Variants in ZNF804B observed in about 807,000 individuals in gnomAD.
ZNF804B encodes zinc finger protein 804B.
ZNF804B carries 80 observed loss-of-function variants against 101.4 expected under a neutral mutation model. The ratio of observed to expected loss-of-function variants is 0.79; its 90% confidence interval spans 0.66 to 0.95. The LOEUF (loss-of-function observed/expected upper bound fraction) is 0.95, where lower values mean the gene tolerates loss of function less well. Among genes scored for constraint, ZNF804B ranks in the 40% least tolerant of loss-of-function variants. The pLI is 0.00. For synonymous variants in ZNF804B, 622 were observed against 558.8 expected, an observed-to-expected ratio of 1.11 and a Z score of -1.59; for missense variants, 1,673 against 1,561.9, an observed-to-expected ratio of 1.07 and a Z score of -1.20.
intron 1 of ZNF804B, among the ~76,000 whole-genome samples, chr7:88,972,670 C>T (rs1562847904): frequency 1.3e-5 from 2 of 151,204 alleles, no homozygotes; most frequent in Admixed American, 6.6e-5. Flanking sequence ...AAATTTTTAT[C>T]ATCTTTGAAA....
At chr7:88,967,294 C>A (rs958428323) in intron 1 of ZNF804B, among the ~76,000 whole-genome samples, 1 of 151,450 alleles carries the variant, frequency 6.6e-6, no homozygotes, top group Admixed American at 6.6e-5. Context: ...AGAACATCTT[C>A]ACATGCTGGC....
chr7:88,873,911 C>T (rs1233076522), intron 1 of ZNF804B, among the ~76,000 whole-genome samples: 3 of 152,110 alleles, frequency 2.0e-5, no homozygotes, highest in East Asian at 1.9e-4. Flanking sequence ...CATGATGCCT[C>T]CAGCTTTGTC....
chr7:88,841,316 G>A (rs1366602297), intron 1 of ZNF804B, among the ~76,000 whole-genome samples: 1 of 152,138 alleles, frequency 6.6e-6, no homozygotes, highest in African/African-American at 2.4e-5. Context: ...CTTAGGGTGA[G>A]GACTTTTGGT....
rs185080554 is a variant in ZNF804B at position 89,210,813 on chromosome 7, G to A, written c.109-7342G>A. Among the ~76,000 whole-genome samples, 35 of 152,256 alleles carry A rather than the reference G, an allele frequency of 2.3e-4. No homozygotes were observed. In the East Asian group the frequency reaches 4.1e-3, roughly 18 times the overall value. ...TAGTGCTGCAATGAACATGGTATGCGTGTATTTCTGTAATAGAATGACTTA... is the reference window on the plus strand; with the variant it reads ...TAGTGCTGCAATGAACATGGTATGCATGTATTTCTGTAATAGAATGACTTA... On this transcript the variant is annotated intron_variant, in intron 1 of 3. Coordinates refer to ENST00000333190, the MANE Select transcript of ZNF804B (RefSeq NM_181646.5).
At chr7:88,827,104 T>A (rs1462200986) in intron 1 of ZNF804B, among the ~76,000 whole-genome samples, 1 of 152,084 alleles carries the variant, frequency 6.6e-6, no homozygotes, top group Non-Finnish European at 1.5e-5. Context: ...ATGGGCACTG[T>A]ATTCAAATAA....
intron 1 of ZNF804B, among the ~76,000 whole-genome samples, chr7:88,780,656 G>C (rs1340445705): frequency 6.6e-6 from 1 of 151,950 alleles, no homozygotes; most frequent in Non-Finnish European, 1.5e-5. Flanking sequence ...CAAAATGCTA[G>C]GATTACAGGC....
intron 1 of ZNF804B, chr7:88,795,026 G>T: frequency 8.8e-7 from 1 of 1,140,822 alleles, no homozygotes; most frequent in Non-Finnish European, 1.2e-6. Flanking sequence ...CTTTACTGAT[G>T]AACTCGTGTT....
chr7:88,877,008 ATATATATATATATAT>A (rs1465287086), intron 1 of ZNF804B, among the ~76,000 whole-genome samples: 2 of 71,238 alleles, frequency 2.8e-5, no homozygotes, highest in African/African-American at 2.2e-4. Context: ...GAAAAAAAAA[ATATATATATATATAT>A]ATAATATATA....
chr7:89,153,184 G>T (rs993031166), intron 1 of ZNF804B, among the ~76,000 whole-genome samples: 2 of 151,806 alleles, frequency 1.3e-5, no homozygotes, highest in Non-Finnish European at 1.5e-5. Context: ...GCAGAATGAG[G>T]CAATGAGGAG....
intron 1 of ZNF804B, among the ~76,000 whole-genome samples, chr7:88,854,287 A>G (rs1186620814): frequency 6.6e-6 from 1 of 152,114 alleles, no homozygotes; most frequent in South Asian, 2.1e-4. Flanking sequence ...TCGTTTGGCT[A>G]ATTTCACACA....
chr7:89,105,764 G>C (rs1043164738), intron 1 of ZNF804B, among the ~76,000 whole-genome samples: 1 of 152,088 alleles, frequency 6.6e-6, no homozygotes, highest in African/African-American at 2.4e-5. Flanking sequence ...AGGTCCCCAA[G>C]GATACCTCTG....
At chr7:89,257,713 C>T (rs1789655664) in intron 2 of ZNF804B, among the ~76,000 whole-genome samples, 1 of 152,104 alleles carries the variant, frequency 6.6e-6, no homozygotes, top group African/African-American at 2.4e-5. Context: ...TTTCACTACT[C>T]AGGTAATGAG....
intron 1 of ZNF804B, among the ~76,000 whole-genome samples, chr7:89,165,256 A>C (rs1791124544): frequency 6.6e-6 from 1 of 152,104 alleles, no homozygotes; most frequent in Non-Finnish European, 1.5e-5. Flanking sequence ...CCACTCAGCT[A>C]TCTCTGAATT....
chr7:89,205,131 C>A (rs191584652), intron 1 of ZNF804B, among the ~76,000 whole-genome samples: 68 of 152,232 alleles, frequency 4.5e-4, no homozygotes, highest in Admixed American at 3.7e-3. Flanking sequence ...AATTTATATT[C>A]ACTATCACGA....
intron 1 of ZNF804B, among the ~76,000 whole-genome samples, chr7:88,905,275 A>G (rs1342199350): frequency 6.6e-6 from 1 of 152,140 alleles, no homozygotes; most frequent in Non-Finnish European, 1.5e-5. Context: ...TGTAGAACCA[A>G]CCTTGCATCC....
At chr7:89,285,117 G>A (rs190121133) in intron 2 of ZNF804B, among the ~76,000 whole-genome samples, 2 of 152,206 alleles carry the variant, frequency 1.3e-5, no homozygotes, top group Non-Finnish European at 2.9e-5. Context: ...TATTTGGAAG[G>A]CTGAGGCAGG....
At chr7:89,133,359 A>C (rs907071023) in intron 1 of ZNF804B, among the ~76,000 whole-genome samples, 2 of 152,014 alleles carry the variant, frequency 1.3e-5, no homozygotes, top group African/African-American at 4.8e-5. Context: ...TGTAGAGCCC[A>C]CCTGACTAAG....
At chr7:89,018,470 T>TA (rs776501165) in intron 1 of ZNF804B, among the ~76,000 whole-genome samples, 3 of 70,276 alleles carry the variant, frequency 4.3e-5, no homozygotes, top group Non-Finnish European at 8.2e-5. Context: ...CTGTAGTTTT[T>TA]ATGGAGTTTT....
chr7:88,925,531 G>T (rs1792784340), intron 1 of ZNF804B, among the ~76,000 whole-genome samples: 1 of 152,112 alleles, frequency 6.6e-6, no homozygotes, highest in South Asian at 2.1e-4. Flanking sequence ...GACCACATGA[G>T]GACACAGAGA....
Sources: gnomAD v4.1 joint callset for allele counts (sites outside exome capture counted in the v4.1 genomes callset) on GRCh38, gnomAD v4.1.1 for gene constraint, MANE v1.5 for transcripts, NCBI Gene and HGNC (gene_info 2026-07-23, HGNC 2026-07-21) for gene names.